The following CACNA1H variants were observed in gnomAD, a reference collection of about 807,000 sequenced individuals.
CACNA1H encodes the protein voltage-dependent T-type calcium channel subunit alpha-1H.
In CACNA1H, 149 loss-of-function variants were observed where a neutral mutation model predicts 192.5. That is an observed-to-expected ratio of 0.77 (90% CI 0.68 to 0.89). The LOEUF (loss-of-function observed/expected upper bound fraction) is 0.89, where lower values mean the gene tolerates loss of function less well. CACNA1H is among the 40% of genes least tolerant of loss of function. The pLI is 0.00. For synonymous variants in CACNA1H, 2,202 were observed against 1,475.2 expected, an observed-to-expected ratio of 1.49 and a Z score of -11.29; for missense variants, 4,257 against 3,423.5, an observed-to-expected ratio of 1.24 and a Z score of -6.08.
chr16:1,172,282 A>C (rs1964442988), intron 2 of CACNA1H, among the ~76,000 whole-genome samples: 1 of 152,116 alleles, frequency 6.6e-6, no homozygotes, highest in African/African-American at 2.4e-5. Context: ...CCCACAGTGC[A>C]TCACCGCAGC....
At chr16:1,196,301 G>A (rs908355760) in intron 5 of CACNA1H, among the ~76,000 whole-genome samples, 4 of 152,266 alleles carry the variant, frequency 2.6e-5, no homozygotes, top group South Asian at 4.1e-4. Flanking sequence ...CCGAACCTCC[G>A]GTTCCTTCTC....
Position 1,195,014 on chromosome 16 carries a change from C to G in CACNA1H, c.342C>G (p.Cys114Trp). 2 of 1,612,200 alleles carry G rather than the reference C, an allele frequency of 1.2e-6. No homozygotes were observed. The highest frequency in any genetic ancestry group is 1.7e-6 in the Non-Finnish European group (2 of 1,179,466). Residue 114 changes from cysteine to tryptophan, a missense_variant, in exon 3 of 35, where the codon TGC (cysteine) becomes TGG (tryptophan). Transcript: ENST00000348261. Reference protein sequence around the residue: ...HVSMLVIMLNCVTLGMFRPCE... With the variant: ...HVSMLVIMLNWVTLGMFRPCE... The stretch of plus-strand genomic sequence containing the variant: ...GCATGCTGGTAATCATGCTCAACTG[C>G]GTGACCCTGGGCATGTTCCGGCCCT...
At chr16:1,207,142 A>G in intron 13 of CACNA1H, 24 bp downstream of exon 13, 1 of 1,561,528 alleles carries the variant, frequency 6.4e-7, no homozygotes, top group Non-Finnish European at 8.7e-7. Context: ...TCCCCGCAGC[A>G]GTGTTGGGTG....
intron 2 of CACNA1H, among the ~76,000 whole-genome samples, chr16:1,165,711 C>T (rs2151676629): frequency 6.6e-6 from 1 of 152,356 alleles, no homozygotes; most frequent in South Asian, 2.1e-4. Context: ...GAGGGGCTGC[C>T]TCCCTGCCCC....
Position 1,220,718 on chromosome 16 carries a change from C to A in CACNA1H, c.6786C>A (p.Thr2262=), listed in dbSNP as rs568142514. 2.5e-6 allele frequency: 4 copies of A among 1,612,068 alleles called. No individual in the cohort carries two copies. Among genetic ancestry groups the A allele is most frequent in the Non-Finnish European group, 3.4e-6 (4 of 1,179,630 alleles). The change falls in exon 35 of 35, where the codon ACC becomes ACA. Residue 2262 remains threonine, a synonymous_variant. Coordinates refer to ENST00000348261, the MANE Select transcript of CACNA1H (RefSeq NM_021098.3). ...CCTCCTGCCGGGCTGAGCACCTGAC[C>A]GTCCCCAGCTTTGCCTTTGAGCCGC... ...GQASCRAEHL[T]VPSFAFEPLD...
intron 2 of CACNA1H, among the ~76,000 whole-genome samples, chr16:1,158,549 A>C (rs1360030265): frequency 2.0e-5 from 3 of 152,192 alleles, no homozygotes; most frequent in Non-Finnish European, 2.9e-5. Flanking sequence ...TGTTCCCGCC[A>C]GGAAGTGGGC....
chr16:1,208,978 G>A, intron 16 of CACNA1H, 54 bp from the exon 17 acceptor site: 10 of 1,403,302 alleles, frequency 7.1e-6, no homozygotes, highest in Non-Finnish European at 8.3e-6. Context: ...CGTAATGACA[G>A]CGGTCGGTGC....
intron 2 of CACNA1H, among the ~76,000 whole-genome samples, chr16:1,173,372 C>T (rs1964553972): frequency 6.6e-6 from 1 of 152,212 alleles, no homozygotes; most frequent in South Asian, 2.1e-4. Context: ...CCCACAACCT[C>T]CAGAACAGCG....
chr16:1,201,653 C>A lies in CACNA1H; in HGVS notation c.1213-10C>A, dbSNP rs373660548. 1 of 1,576,318 alleles carries A rather than the reference C, an allele frequency of 6.3e-7. No individual in the cohort carries two copies. Among genetic ancestry groups the A allele is most frequent in the African/African-American group, 1.3e-5 (1 of 74,308 alleles). On this transcript the variant is annotated splice_polypyrimidine_tract_variant and intron_variant, in intron 8 of 34. Coordinates refer to ENST00000348261, the MANE Select transcript of CACNA1H (RefSeq NM_021098.3). ...ACTCACTGCCACTTACCCGCCCGCCCCCGTCACAGGTGGGCTCCTTCTTCA... is the reference window on the plus strand; with the variant it reads ...ACTCACTGCCACTTACCCGCCCGCCACCGTCACAGGTGGGCTCCTTCTTCA...
At position 1,201,889 on chromosome 16, in the gene CACNA1H, C is replaced by A. The variant is rs1967969761; in HGVS notation, c.1439C>A (p.Ala480Asp). The change falls in exon 9 of 35, where the codon GCC becomes GAC. Residue 480 changes from alanine to aspartate, a missense_variant. Transcript: ENST00000348261. ...KVKRRSLRLY[A>D]RWQSRWRKKV... ...AAGCGGCGCAGCTTGCGCCTCTACG[C>A]CCGCTGGCAGAGCCGCTGGCGCAAG... The A allele has an allele frequency of 1.9e-6, 3 of 1,551,780 alleles. No homozygotes were observed. The highest frequency in any genetic ancestry group is 2.0e-5 in the Admixed American group (1 of 51,176).
At position 1,206,288 on chromosome 16, in the gene CACNA1H, A is replaced by G; in HGVS notation, c.2788A>G (p.Ser930Gly). 1 of 1,553,070 alleles carries G rather than the reference A, an allele frequency of 6.4e-7. No individual in the cohort carries two copies. Residue 930 changes from serine to glycine, a missense_variant and splice_region_variant, in exon 12 of 35, where the codon AGC becomes GGC. Physicochemically the swap from Ser to Gly is moderately conservative, Grantham distance 56 (BLOSUM62 0). Transcript: ENST00000348261. ...TLLMLFIFIF[S>G]ILGMHLFGCK... Reference sequence around the variant, plus strand: ...GCTCATGCTCTTCATTTTCATCTTCAGGTGGGCGCAACCCCCCTCCCGGCC... The same window carrying G: ...GCTCATGCTCTTCATTTTCATCTTCGGGTGGGCGCAACCCCCCTCCCGGCC...
chr16:1,157,485 C>T (rs1224836607), intron 2 of CACNA1H, among the ~76,000 whole-genome samples: 1 of 152,182 alleles, frequency 6.6e-6, no homozygotes, highest in Admixed American at 6.5e-5. Context: ...CATCTCTGAA[C>T]ACTCGGCGCT....
chr16:1,218,513 C>A lies in CACNA1H; in HGVS notation c.5749C>A (p.Arg1917Ser). 6.4e-7 allele frequency: 1 copy of A among 1,553,832 alleles called. No homozygotes were observed. Among genetic ancestry groups the A allele is most frequent in the East Asian group, 2.4e-5 (1 of 41,160 alleles). ...CAGGGACGCCCCAAACCTGGTTGCA[C>A]GCAAGGTGTCCGTGTCCAGGATGCT... ...GARDAPNLVA[R>S]KVSVSRMLSL... The change falls in exon 33 of 35, where the codon CGC becomes AGC. Residue 1917 changes from arginine to serine, a missense_variant. Transcript: ENST00000348261.
chr16:1,211,664 G>A (rs1969464941), intron 23 of CACNA1H, 52 bp from the exon 24 acceptor site: 1 of 1,610,148 alleles, frequency 6.2e-7, no homozygotes, highest in Non-Finnish European at 8.5e-7. Flanking sequence ...GAGCGAGAGG[G>A]CCGGCGACCC....
chr16:1,161,271 T>C (rs978620494), intron 2 of CACNA1H, among the ~76,000 whole-genome samples: 1 of 152,190 alleles, frequency 6.6e-6, no homozygotes, highest in African/African-American at 2.4e-5. Context: ...GATGTTGGCA[T>C]TAATGAACGC....
At chr16:1,186,519 G>A (rs936718577) in intron 2 of CACNA1H, among the ~76,000 whole-genome samples, 8 of 152,024 alleles carry the variant, frequency 5.3e-5, no homozygotes, top group South Asian at 2.1e-4. Flanking sequence ...CCCTCTCCAC[G>A]GCGTTCTCAT....
intron 2 of CACNA1H, among the ~76,000 whole-genome samples, chr16:1,166,421 G>C (rs1963782268): frequency 6.6e-6 from 1 of 152,202 alleles, no homozygotes; most frequent in Non-Finnish European, 1.5e-5. Context: ...AGGCCCTCTG[G>C]CCAGCCCGGC....
At chr16:1,183,460 G>C (rs1965676236) in intron 2 of CACNA1H, among the ~76,000 whole-genome samples, 1 of 152,180 alleles carries the variant, frequency 6.6e-6, no homozygotes, top group South Asian at 2.1e-4. Flanking sequence ...CATGGCAGCG[G>C]CCTCCGGGGA....
intron 2 of CACNA1H, among the ~76,000 whole-genome samples, chr16:1,158,881 G>GCC (rs537491671): frequency 4.7e-5 from 7 of 147,746 alleles, no homozygotes; most frequent in South Asian, 4.3e-4. Flanking sequence ...GCCCCGCAGG[G>GCC]CCCCCGCTCA....
Sources: allele counts gnomAD v4.1 joint callset (sites outside exome capture counted in the v4.1 genomes callset), GRCh38; gene constraint gnomAD v4.1.1; transcripts MANE v1.5; gene names NCBI Gene and HGNC (gene_info 2026-07-23, HGNC 2026-07-21).